The following GALR1 variants were observed in gnomAD, a reference collection of about 807,000 sequenced individuals.
GALR1 encodes the protein galanin receptor type 1.
A neutral mutation model predicts 17.9 loss-of-function variants in GALR1; 11 were observed. The ratio of observed to expected loss-of-function variants is 0.62; its 90% CI spans 0.39 to 1.02. GALR1 has a LOEUF of 1.02. Ranked by LOEUF, GALR1 falls within the 50% of genes least tolerant of loss-of-function variation. The pLI is 0.01. For synonymous variants in GALR1, 206 were observed against 205.7 expected (o/e 1.00, Z -0.01); for missense variants, 441 against 456.9 (o/e 0.97, Z 0.32).
At chr18:77,266,309 C>G (rs71362709) in intron 2 of GALR1, among the ~76,000 whole-genome samples, 8,898 of 152,274 alleles carry the variant, frequency 0.058, 359 homozygotes, top group Non-Finnish European at 0.088. Flanking sequence ...TCACTATCAC[C>G]ATTTTGGTCA....
At chr18:77,258,996 G>T (rs1377506750) in intron 2 of GALR1, among the ~76,000 whole-genome samples, 1 of 108,286 alleles carries the variant, frequency 9.2e-6, no homozygotes, top group Admixed American at 8.7e-5. Flanking sequence ...GGATGGTGGT[G>T]GTGGTCACAG....
intron 2 of GALR1, among the ~76,000 whole-genome samples, chr18:77,267,135 A>C (rs1159269023): frequency 6.6e-6 from 1 of 152,246 alleles, no homozygotes; most frequent in South Asian, 2.1e-4. Context: ...GCCATCGAAC[A>C]GAGGAGGCTG....
At chr18:77,251,373 C>A (rs1435548771) in intron 1 of GALR1, among the ~76,000 whole-genome samples, 159 bp downstream of exon 1, 1 of 152,240 alleles carries the variant, frequency 6.6e-6, no homozygotes, top group Admixed American at 6.5e-5. Context: ...TGCAGAGAGG[C>A]TTCCTGGCCG....
Position 77,273,861 on chromosome 18 carries a change from G to A in GALR1, c.*4959G>A, listed in dbSNP as rs1953576162. ...TTCTGCTGGAGAAGAGATTTCTCAG[G>A]CCAAGTTGTGTAGCTCCAAATTCTC... is the stretch of plus-strand genomic sequence containing the variant. On this transcript the variant is annotated 3_prime_UTR_variant, in exon 3 of 3. Coordinates refer to ENST00000299727, the MANE Select transcript of GALR1 (RefSeq NM_001480.4). 6.6e-6 allele frequency: 1 copy of A among 152,084 alleles called. No individual in the cohort carries two copies. The highest frequency in any genetic ancestry group is 2.1e-4 in the South Asian group (1 of 4,826). The allele number at this position is 152,084 out of a possible 1,614,324, so 9.4% of individuals were successfully genotyped here.
At chr18:77,265,308 T>G (rs1912921550) in intron 2 of GALR1, among the ~76,000 whole-genome samples, 1 of 152,218 alleles carries the variant, frequency 6.6e-6, no homozygotes, top group African/African-American at 2.4e-5. Context: ...ATGATCTCCT[T>G]GGACTCCATG....
chr18:77,257,254 T>C (rs1026172295), intron 2 of GALR1, among the ~76,000 whole-genome samples: 1 of 152,156 alleles, frequency 6.6e-6, no homozygotes, highest in African/African-American at 2.4e-5. Flanking sequence ...GAATTGGTTA[T>C]AGAGCACAAA....
At chr18:77,268,450 A>T (rs927444329) in intron 2 of GALR1, 135 bp from the exon 3 acceptor site, 9 of 638,638 alleles carry the variant, frequency 1.4e-5, no homozygotes, top group Non-Finnish European at 2.5e-5. Context: ...TCATGAAAAT[A>T]TACATAAAAT....
chr18:77,267,935 T>C (rs186229141), intron 2 of GALR1, among the ~76,000 whole-genome samples: 16 of 152,352 alleles, frequency 1.1e-4, no homozygotes, highest in Admixed American at 9.8e-4. Context: ...ATTTGCTCAG[T>C]AGAAATCACA....
chr18:77,258,903 T>TCA (rs1912709167), intron 2 of GALR1, among the ~76,000 whole-genome samples: 1 of 122,324 alleles, frequency 8.2e-6, no homozygotes, highest in Non-Finnish European at 1.7e-5. Context: ...GTGATGGTGG[T>TCA]GGGCGGTAGT....
At position 77,267,062 on chromosome 18, in the gene GALR1, C is replaced by T. The variant is rs541966166; in HGVS notation, c.733-1523C>T. 2.0e-4 allele frequency among the ~76,000 whole-genome samples: 30 copies of T among 152,322 alleles called. No individual in the cohort carries two copies. In the East Asian group the frequency reaches 3.5e-3, roughly 18 times the overall value. On this transcript the variant is annotated intron_variant, in intron 2 of 2. Coordinates refer to ENST00000299727, the MANE Select transcript of GALR1 (RefSeq NM_001480.4). ...AGAGGCTGAAAGGTGCACCTCTTTG[C>T]GCTTAATGTTCCTTTTTTCCTATGA...
At position 77,273,005 on chromosome 18, in the gene GALR1, T is replaced by C. The variant is rs1568145914; in HGVS notation, c.*4103T>C. The C allele has an allele frequency of 6.6e-6, 1 of 152,218 alleles. No individual in the cohort carries two copies. The highest frequency in any genetic ancestry group is 2.4e-5 in the African/African-American group (1 of 41,448). The allele number at this position is 152,218 out of a possible 1,614,324, so 9.4% of individuals were successfully genotyped here. ...GAGTGTATCGTGTATTGTGATGCAT[T>C]AGCAGGATGTTTTGTTCATCGACTT... On this transcript the variant is annotated 3_prime_UTR_variant, in exon 3 of 3. Coordinates refer to ENST00000299727, the MANE Select transcript of GALR1 (RefSeq NM_001480.4).
rs1411097924 is a variant in GALR1, at chr18:77,270,270, T to C, written c.*1368T>C. On this transcript the variant is annotated 3_prime_UTR_variant, in exon 3 of 3. Transcript: ENST00000299727. ...GCTCATGCCTGTAATTCCAGCACTT[T>C]GGGAGGTCCAGCTGTGTGGAATGTA... 1 of 152,188 alleles carries C rather than the reference T, an allele frequency of 6.6e-6. No homozygotes were observed. The highest frequency in any genetic ancestry group is 1.5e-5 in the Non-Finnish European group (1 of 68,042). 9.4% of individuals were successfully genotyped at this position (152,188 alleles called of 1,614,324 possible). A position where few individuals can be genotyped will look rare whatever the true frequency, so the allele number is the denominator to read the frequency against.
chr18:77,253,010 C>T (rs867032255), intron 1 of GALR1, among the ~76,000 whole-genome samples: 803 of 62,094 alleles, frequency 0.013, 16 homozygotes, highest in Non-Finnish European at 0.014. Flanking sequence ...ACCACCACCA[C>T]CACCACCACC....
At chr18:77,261,111 A>G (rs1912821509) in intron 2 of GALR1, among the ~76,000 whole-genome samples, 1 of 152,144 alleles carries the variant, frequency 6.6e-6, no homozygotes. Context: ...GACATCTCAG[A>G]TGATTTGAAA....
intron 1 of GALR1, among the ~76,000 whole-genome samples, chr18:77,252,935 C>CCAT (rs1568139105): frequency 5.7e-4 from 26 of 45,760 alleles, no homozygotes; most frequent in East Asian, 1.0e-3. Flanking sequence ...ACCACCACCA[C>CCAT]CACCACCACC....
Position 77,256,235 on chromosome 18 carries a change from A to G in GALR1, c.732+12A>G. 1 of 1,405,786 alleles carries G rather than the reference A, an allele frequency of 7.1e-7. No homozygotes were observed. Among genetic ancestry groups the G allele is most frequent in the Non-Finnish European group, 1.0e-6 (1 of 992,892 alleles). 87.1% of individuals were successfully genotyped at this position (1,405,786 alleles called of 1,614,324 possible). On this transcript the variant is annotated intron_variant, in intron 2 of 2. Transcript: ENST00000299727. ...CATCCAAGAAAAAGGTAATGATCAC[A>G]AATATATATATATATGTTACTTTTC...
rs140506887 is a variant in GALR1 at position 77,273,383 on chromosome 18, G to C, written c.*4481G>C. Reference sequence around the variant, plus strand: ...GGGGCCGGGCATGTGACTTATGCCTGTAATCCCAGCACTTTGGGAGGCCGA... The same window carrying C: ...GGGGCCGGGCATGTGACTTATGCCTCTAATCCCAGCACTTTGGGAGGCCGA... On this transcript the variant is annotated 3_prime_UTR_variant, in exon 3 of 3. Coordinates refer to ENST00000299727, the MANE Select transcript of GALR1 (RefSeq NM_001480.4). 6.6e-6 allele frequency: 1 copy of C among 152,498 alleles called. No individual in the cohort carries two copies. The highest frequency in any genetic ancestry group is 2.4e-5 in the African/African-American group (1 of 41,578). The allele number at this position is 152,498 out of a possible 1,614,324, so 9.4% of individuals were successfully genotyped here. A position where few individuals can be genotyped will look rare whatever the true frequency, so the allele number is the denominator to read the frequency against.
At chr18:77,254,823 C>T (rs748917114) in intron 1 of GALR1, among the ~76,000 whole-genome samples, 10 of 152,202 alleles carry the variant, frequency 6.6e-5, no homozygotes, top group Admixed American at 2.0e-4. Context: ...AATGCTCCTG[C>T]GGCACGTAAA....
At chr18:77,268,502 T>C in intron 2 of GALR1, 83 bp from the exon 3 acceptor site, 1 of 905,442 alleles carries the variant, frequency 1.1e-6, no homozygotes, top group Non-Finnish European at 1.7e-6. Context: ...CCTTTTGTGT[T>C]GTAATCAATG....
Sources: allele counts gnomAD v4.1 joint callset (sites outside exome capture counted in the v4.1 genomes callset), GRCh38; gene constraint gnomAD v4.1.1; transcripts MANE v1.5; gene names NCBI Gene and HGNC (gene_info 2026-07-23, HGNC 2026-07-21).